Variants in PDE7A observed in about 807,000 individuals in gnomAD.
The protein encoded by PDE7A is high affinity 3',5'-cyclic-AMP phosphodiesterase 7A.
Under a neutral mutation model 64.3 loss-of-function variants are expected in PDE7A, and 39 were observed. That is an observed-to-expected ratio of 0.61 (90% confidence interval 0.47 to 0.79). The LOEUF is 0.79. PDE7A is among the 30% of genes least tolerant of loss of function. The pLI is 0.00. For synonymous variants in PDE7A, 203 were observed against 206.8 expected, an observed-to-expected ratio of 0.98 and a Z score of 0.16; for missense variants, 470 against 582.8, an observed-to-expected ratio of 0.81 and a Z score of 1.99.
chr8:65,785,932 G>A (rs531707094), intron 1 of PDE7A, among the ~76,000 whole-genome samples: 1 of 152,150 alleles, frequency 6.6e-6, no homozygotes, highest in Admixed American at 6.5e-5. Context: ...GTGAAAGACT[G>A]ACCAATATTA....
intron 1 of PDE7A, among the ~76,000 whole-genome samples, chr8:65,830,717 T>C (rs1352494387): frequency 6.6e-6 from 1 of 152,150 alleles, no homozygotes; most frequent in Non-Finnish European, 1.5e-5. Flanking sequence ...CACAGAGCAT[T>C]ATGGACATAC....
intron 1 of PDE7A, among the ~76,000 whole-genome samples, chr8:65,809,038 C>T (rs1374137136): frequency 2.6e-5 from 4 of 152,208 alleles, no homozygotes; most frequent in Non-Finnish European, 4.4e-5. Flanking sequence ...AGTGAAGTAG[C>T]ACTGGACCAA....
At position 65,797,552 on chromosome 8, in the gene PDE7A, T is replaced by C. The variant is rs80217772; in HGVS notation, c.139-14709A>G. Among the ~76,000 whole-genome samples, 894 of 152,328 alleles carry C rather than the reference T, an allele frequency of 5.9e-3. 9 individuals carry two copies. Among genetic ancestry groups the C allele is most frequent in the African/African-American group, 0.02 (844 of 41,568 alleles). ...CCAGAAGTGTGAGACAGATAATTTC[T>C]GTTGTTTTAAGCCACCGAGGTTTTG... On this transcript the variant is annotated intron_variant, in intron 1 of 12. Coordinates refer to ENST00000401827, the MANE Select transcript of PDE7A (RefSeq NM_001242318.3).
intron 5 of PDE7A, among the ~76,000 whole-genome samples, chr8:65,744,482 G>C (rs751096929): frequency 6.6e-6 from 1 of 152,120 alleles, no homozygotes; most frequent in Non-Finnish European, 1.5e-5. Flanking sequence ...AAGAGAATAA[G>C]AAAACATGAC....
In PDE7A at chr8:65,730,171, C is replaced by CTTTTTTTTTTT. The variant is rs1179431555; in HGVS notation, c.697-2881_697-2871dup. On this transcript the variant is annotated intron_variant, in intron 7 of 12. Coordinates refer to ENST00000401827, the MANE Select transcript of PDE7A (RefSeq NM_001242318.3). ...TGTGAGGGATCCAGGTTGCGCACTT[C>CTTTTTTTTTTT]TTTTTTTTTTTTTTTTTTTTTTTTT... 1.4e-3 allele frequency among the ~76,000 whole-genome samples: 118 copies of CTTTTTTTTTTT among 86,434 alleles called. 13 individuals carry two copies. The highest frequency in any genetic ancestry group is 4.5e-3 in the African/African-American group (94 of 20,926). 56.7% of individuals were successfully genotyped at this position (86,434 alleles called of 152,430 possible).
At chr8:65,810,691 A>G (rs1391643059) in intron 1 of PDE7A, among the ~76,000 whole-genome samples, 1 of 152,210 alleles carries the variant, frequency 6.6e-6, no homozygotes, top group African/African-American at 2.4e-5. Context: ...AAAAACTTAA[A>G]GTATCTCAAT....
At chr8:65,758,374 G>A (rs1808333570) in intron 3 of PDE7A, among the ~76,000 whole-genome samples, 1 of 152,096 alleles carries the variant, frequency 6.6e-6, no homozygotes, top group Non-Finnish European at 1.5e-5. Flanking sequence ...ATCAGGTAAG[G>A]GGGAAAAAAT....
chr8:65,725,812 C>T (rs1278828904), intron 9 of PDE7A, among the ~76,000 whole-genome samples: 2 of 151,992 alleles, frequency 1.3e-5, no homozygotes, highest in Non-Finnish European at 2.9e-5. Flanking sequence ...AAATGAAAAA[C>T]ATGATTTTTA....
chr8:65,827,830 A>G (rs1454770609), intron 1 of PDE7A, among the ~76,000 whole-genome samples: 1 of 152,184 alleles, frequency 6.6e-6, no homozygotes, highest in Non-Finnish European at 1.5e-5. Context: ...TATGATGTTC[A>G]CACAACGACG....
At chr8:65,739,688 A>G in intron 5 of PDE7A, 91 bp from the exon 6 acceptor site, 1 of 1,226,252 alleles carries the variant, frequency 8.2e-7, no homozygotes, top group Non-Finnish European at 1.0e-6. Context: ...AATATAAAAC[A>G]TGGAAAGAGT....
chr8:65,777,123 C>A (rs1403844784), intron 3 of PDE7A, among the ~76,000 whole-genome samples: 6 of 138,552 alleles, frequency 4.3e-5, no homozygotes, highest in Non-Finnish European at 9.2e-5. Flanking sequence ...GTTCTTGTTG[C>A]CCAGACTGGA....
chr8:65,751,990 ATC>A (rs1260053217), intron 3 of PDE7A, among the ~76,000 whole-genome samples: 1 of 152,124 alleles, frequency 6.6e-6, no homozygotes, highest in African/African-American at 2.4e-5. Flanking sequence ...ATGAATCATA[ATC>A]TATTTAGCCA....
intron 3 of PDE7A, among the ~76,000 whole-genome samples, chr8:65,755,854 C>G (rs1029136802): frequency 6.6e-6 from 1 of 152,164 alleles, no homozygotes; most frequent in African/African-American, 2.4e-5. Flanking sequence ...AACTCCTGAG[C>G]TCAAGAGATC....
At position 65,714,432 on chromosome 8, in the gene PDE7A, C is replaced by G. The variant is rs1806052092; in HGVS notation, c.*4858G>C. Reference sequence around the variant, plus strand: ...ATGGAGGAGACCTGCTGGGTGCTCTCCATCAGCTCACTCCCAAGTGGTGGT... The same window carrying G: ...ATGGAGGAGACCTGCTGGGTGCTCTGCATCAGCTCACTCCCAAGTGGTGGT... On this transcript the variant is annotated 3_prime_UTR_variant, in exon 13 of 13. Coordinates refer to ENST00000401827, the MANE Select transcript of PDE7A (RefSeq NM_001242318.3). 6.6e-6 allele frequency: 1 copy of G among 152,106 alleles called. No individual in the cohort carries two copies. The allele number at this position is 152,106 out of a possible 1,614,324, so 9.4% of individuals were successfully genotyped here. A position where few individuals can be genotyped will look rare whatever the true frequency, so the allele number is the denominator to read the frequency against.
chr8:65,759,798 T>C (rs1808406976), intron 3 of PDE7A, among the ~76,000 whole-genome samples: 1 of 152,088 alleles, frequency 6.6e-6, no homozygotes, highest in African/African-American at 2.4e-5. Flanking sequence ...GGGGAAAGGT[T>C]GCATGTGAGA....
At chr8:65,740,211 G>A (rs541316157) in intron 5 of PDE7A, among the ~76,000 whole-genome samples, 73 of 152,114 alleles carry the variant, frequency 4.8e-4, no homozygotes, top group Non-Finnish European at 6.9e-4. Flanking sequence ...GCAGAATATC[G>A]CTACAAACTC....
intron 1 of PDE7A, among the ~76,000 whole-genome samples, chr8:65,785,176 G>A (rs531643676): frequency 6.6e-6 from 1 of 152,100 alleles, no homozygotes; most frequent in East Asian, 1.9e-4. Context: ...TGAAATATAA[G>A]AGGAACAAAA....
intron 7 of PDE7A, among the ~76,000 whole-genome samples, chr8:65,729,363 GCTTT>G (rs1806742421): frequency 1.2e-5 from 1 of 85,832 alleles, no homozygotes; most frequent in African/African-American, 4.6e-5. Flanking sequence ...GTTGGTGGTA[GCTTT>G]TTTTTTTTTT....
At chr8:65,803,692 T>C (rs1359366705) in intron 1 of PDE7A, among the ~76,000 whole-genome samples, 1 of 152,224 alleles carries the variant, frequency 6.6e-6, no homozygotes, top group African/African-American at 2.4e-5. Context: ...TAGCATAACA[T>C]TATTGTGAAT....
Sources: allele counts gnomAD v4.1 joint callset (sites outside exome capture counted in the v4.1 genomes callset), GRCh38; gene constraint gnomAD v4.1.1; transcripts MANE v1.5; gene names NCBI Gene and HGNC (gene_info 2026-07-23, HGNC 2026-07-21).